The following SHANK2 variants were observed in gnomAD, a reference collection of about 807,000 sequenced individuals.
SHANK2 encodes the protein SH3 and multiple ankyrin repeat domains protein 2.
A neutral mutation model predicts 133.7 loss-of-function variants in SHANK2; 43 were observed. The ratio of observed to expected loss-of-function variants is 0.32; its 90% CI spans 0.25 to 0.41. The LOEUF is 0.41. Among genes scored for constraint, SHANK2 ranks in the 10% least tolerant of loss-of-function variants. The pLI, the probability that SHANK2 is intolerant of heterozygous loss-of-function variation, is 1.00. For synonymous variants in SHANK2, 1,017 were observed against 952.8 expected (o/e 1.07, Z -1.24); for missense variants, 1,994 against 2,235.8 (o/e 0.89, Z 2.18).
chr11:70,618,861 T>G (rs2136439243), intron 17 of SHANK2, among the ~76,000 whole-genome samples: 1 of 152,274 alleles, frequency 6.6e-6, no homozygotes, highest in East Asian at 1.9e-4. Flanking sequence ...GCCTTTGTGT[T>G]AAAATGGAAC....
chr11:70,573,829 T>C (rs1378565195), intron 17 of SHANK2, among the ~76,000 whole-genome samples: 2 of 152,194 alleles, frequency 1.3e-5, no homozygotes, highest in African/African-American at 4.8e-5. Context: ...AAAGTACTTC[T>C]CACACCGAAG....
At chr11:70,803,132 A>G (rs1184165072) in intron 13 of SHANK2, among the ~76,000 whole-genome samples, 2 of 152,018 alleles carry the variant, frequency 1.3e-5, no homozygotes, top group African/African-American at 4.8e-5. Context: ...GAGGAAAAGC[A>G]GGATGGAAGC....
chr11:71,137,946 G>A (rs552415474), intron 3 of SHANK2, among the ~76,000 whole-genome samples: 1 of 151,918 alleles, frequency 6.6e-6, no homozygotes, highest in Admixed American at 6.6e-5. Context: ...TGCACCAGCC[G>A]CCCAGAGCCC....
intron 6 of SHANK2, among the ~76,000 whole-genome samples, chr11:71,105,247 A>T (rs1399677631): frequency 6.6e-6 from 1 of 152,212 alleles, no homozygotes; most frequent in Non-Finnish European, 1.5e-5. Flanking sequence ...GTGTGATTTT[A>T]AGATTCCAGC....
chr11:70,492,221 TG>T, intron 22 of SHANK2, 113 bp downstream of exon 22: 1 of 1,509,090 alleles, frequency 6.6e-7, no homozygotes, highest in Non-Finnish European at 9.1e-7. Flanking sequence ...GCCCCACCTC[TG>T]GACAGCACGA....
intron 14 of SHANK2, among the ~76,000 whole-genome samples, chr11:70,723,387 G>A (rs1218840530): frequency 6.6e-6 from 1 of 151,600 alleles, no homozygotes; most frequent in Non-Finnish European, 1.5e-5. Context: ...AGGAGACACA[G>A]GTGGCCTCTG....
At chr11:71,233,554 G>A (rs1227188796) in intron 1 of SHANK2, among the ~76,000 whole-genome samples, 2 of 152,144 alleles carry the variant, frequency 1.3e-5, no homozygotes, top group Non-Finnish European at 2.9e-5. Context: ...CGACTCCGAT[G>A]GTTGCACAAT....
intron 2 of SHANK2, among the ~76,000 whole-genome samples, chr11:71,165,977 C>A (rs1312859334): frequency 1.3e-5 from 2 of 152,168 alleles, no homozygotes; most frequent in Non-Finnish European, 2.9e-5. Context: ...AACTCTCCAA[C>A]CTCCCGCGTG....
chr11:71,247,934 T>C (rs556071100), intron 1 of SHANK2, among the ~76,000 whole-genome samples: 1 of 152,218 alleles, frequency 6.6e-6, no homozygotes, highest in Non-Finnish European at 1.5e-5. Context: ...GAGCCCAGCA[T>C]GTCCCTGCTG....
At chr11:71,139,779 A>G (rs1952517896) in intron 3 of SHANK2, among the ~76,000 whole-genome samples, 2 of 152,106 alleles carry the variant, frequency 1.3e-5, no homozygotes, top group African/African-American at 4.8e-5. Flanking sequence ...CCACCCACAC[A>G]CGACTATTCA....
chr11:70,951,767 C>T (rs1950848527), intron 10 of SHANK2, among the ~76,000 whole-genome samples: 1 of 152,182 alleles, frequency 6.6e-6, no homozygotes, highest in Admixed American at 6.5e-5. Context: ...GGGCTGCCCA[C>T]CCCCACCCAA....
chr11:70,817,377 G>C (rs1555054627), intron 12 of SHANK2, among the ~76,000 whole-genome samples: 2 of 152,208 alleles, frequency 1.3e-5, no homozygotes, highest in East Asian at 1.9e-4. Flanking sequence ...GGCTGTGAAG[G>C]GGTGGGGAAA....
At chr11:70,781,111 T>C (rs1591838133) in intron 14 of SHANK2, among the ~76,000 whole-genome samples, 2 of 152,038 alleles carry the variant, frequency 1.3e-5, no homozygotes, top group Non-Finnish European at 1.5e-5. Flanking sequence ...CTGACCCACA[T>C]GCAAATCCTC....
chr11:71,129,809 AG>A (rs1952264124), intron 3 of SHANK2, among the ~76,000 whole-genome samples: 1 of 152,208 alleles, frequency 6.6e-6, no homozygotes, highest in Non-Finnish European at 1.5e-5. Flanking sequence ...GTTTGGCCTG[AG>A]TCTGCCACTT....
chr11:70,599,907 GAA>G (rs1228095491), intron 17 of SHANK2, among the ~76,000 whole-genome samples: 3 of 12,612 alleles, frequency 2.4e-4, no homozygotes, highest in African/African-American at 2.6e-4. Flanking sequence ...GAAAGAAAGA[GAA>G]AGAAAGAAAG....
intron 7 of SHANK2, among the ~76,000 whole-genome samples, chr11:71,094,003 G>A (rs1555094745): frequency 2.6e-5 from 4 of 152,100 alleles, no homozygotes. Context: ...GGGAAGGTGA[G>A]GCGCGGAACC....
intron 8 of SHANK2, 111 bp downstream of exon 8, chr11:71,092,311 A>C: frequency 8.3e-7 from 1 of 1,205,112 alleles, no homozygotes; most frequent in Middle Eastern, 2.5e-4. Context: ...GCCAAACAAA[A>C]TACCTGAAGG....
intron 11 of SHANK2, among the ~76,000 whole-genome samples, chr11:70,876,245 C>G (rs148008481): frequency 7.6e-5 from 8 of 104,874 alleles, no homozygotes; most frequent in African/African-American, 3.2e-4. Context: ...CACATATAGA[C>G]ACACACACAC....
At position 70,485,488 on chromosome 11, in the gene SHANK2, G is replaced by A. The variant is rs782523899; in HGVS notation, c.4805C>T (p.Ser1602Phe). ...CTCTGTGACGTCGCCCCACAACTTGGAGGTCCTTGGCTGGAGAACCTTGGC... is the reference window on the plus strand; with the variant it reads ...CTCTGTGACGTCGCCCCACAACTTGAAGGTCCTTGGCTGGAGAACCTTGGC... ...GMAKVLQPRT[S>F]KLWGDVTEIK... is the part of the protein sequence containing the mutation. Residue 1602 changes from serine (S) to phenylalanine (F), a missense_variant, in exon 25 of 26, where the codon TCC becomes TTC. Coordinates refer to ENST00000601538, the MANE Select transcript of SHANK2 (RefSeq NM_012309.5). This position sits in a 1 kb window ranked among gnomAD's most constrained non-coding sequence, Gnocchi z 5.8. 4 of 1,613,724 alleles carry A rather than the reference G, an allele frequency of 2.5e-6. No homozygotes were observed. In the African/African-American group the frequency reaches 5.3e-5, roughly 22 times the overall value.
Sources: allele counts gnomAD v4.1 joint callset (sites outside exome capture counted in the v4.1 genomes callset), GRCh38; gene constraint gnomAD v4.1.1; non-coding constraint Gnocchi (gnomAD v3.1); transcripts MANE v1.5; gene names NCBI Gene and HGNC (gene_info 2026-07-23, HGNC 2026-07-21).